Variants in RAD9A observed in about 807,000 individuals in gnomAD.
RAD9A encodes cell cycle checkpoint control protein RAD9A.
A neutral mutation model predicts 41.2 loss-of-function variants in RAD9A; 25 were observed. The observed-to-expected ratio is 0.61, with a 90% CI of 0.44 to 0.85. The LOEUF is 0.85. RAD9A is among the 40% of genes least tolerant of loss of function. RAD9A has a pLI of 0.00. For synonymous variants in RAD9A, 252 were observed against 210.6 expected, an observed-to-expected ratio of 1.20 and a Z score of -1.70; for missense variants, 514 against 518.3, an observed-to-expected ratio of 0.99 and a Z score of 0.08.
At chr11:67,392,874 G>C in intron 3 of RAD9A, 92 bp downstream of exon 3, 1 of 1,501,116 alleles carries the variant, frequency 6.7e-7, no homozygotes, top group Non-Finnish European at 9.2e-7. Context: ...GATGCTAAGT[G>C]GGGAGAGAGA....
At chr11:67,394,213 G>A (rs1862617826) in intron 5 of RAD9A, among the ~76,000 whole-genome samples, 1 of 152,254 alleles carries the variant, frequency 6.6e-6, no homozygotes, top group African/African-American at 2.4e-5. Context: ...CATCCTTCCA[G>A]AGGTGTTCCC....
rs748440792 is a variant in RAD9A at position 67,397,482 on chromosome 11, G to C, written c.1099G>C (p.Gly367Arg). ...PPKKFRSLFF[G>R]SILAPVRSPQ... ...TTTCCAGTTCCGCTCACTGTTCTTC[G>C]GCTCCATCCTGGCCCCTGTACGCTC... The change falls in exon 11 of 11, where the codon GGC (glycine) becomes CGC (arginine). Residue 367 changes from glycine to arginine, a missense_variant. Gly to Arg is a moderately radical substitution (Grantham distance 125, BLOSUM62 -2). Around this residue, in one of 3 missense-constraint regions of RAD9A, gnomAD observed 216 missense variants for 184.2 expected, o/e 1.17. Transcript: ENST00000307980. 1 of 1,611,952 alleles carries C rather than the reference G, an allele frequency of 6.2e-7. No individual in the cohort carries two copies. The highest frequency in any genetic ancestry group is 1.7e-5 in the Admixed American group (1 of 59,972).
chr11:67,397,128 C>T, intron 9 of RAD9A, 51 bp from the exon 10 acceptor site: 1 of 1,442,998 alleles, frequency 6.9e-7, no homozygotes, highest in Non-Finnish European at 9.7e-7. Context: ...AAGGTGGGGC[C>T]CTGCCTCTGC....
chr11:67,392,743 C>T lies in RAD9A; in HGVS notation c.195C>T (p.Thr65=), dbSNP rs1590927990. Residue 65 remains threonine, a synonymous_variant, in exon 3 of 11, where the codon ACC becomes ACT. Transcript: ENST00000307980. ...PLFFQQYQAA[T]PGQDLLRCKI... is the part of the protein sequence containing the mutation. ...TCTTCCAGCAATACCAGGCAGCCAC[C>T]CCTGGTCAGGACCTGCTGCGCTGTA... 1 of 1,614,018 alleles carries T rather than the reference C, an allele frequency of 6.2e-7. No individual in the cohort carries two copies. Among genetic ancestry groups the T allele is most frequent in the African/African-American group, 1.3e-5 (1 of 75,046 alleles).
rs1361955635 is a variant in RAD9A at position 67,397,735 on chromosome 11, CG to C, written c.*179del. The C allele has an allele frequency of 8.0e-6, 5 of 627,074 alleles. No homozygotes were observed. The highest frequency in any genetic ancestry group is 3.8e-5 in the African/African-American group (2 of 52,480). 38.8% of individuals were successfully genotyped at this position (627,074 alleles called of 1,614,324 possible). On this transcript the variant is annotated 3_prime_UTR_variant, in exon 11 of 11. Transcript: ENST00000307980. ...CACTGTAAAGCTGTCCCACAGCGGT[CG>C]GGCCTGGGCCGTTATCTCCCCACAA...
At position 67,397,549 on chromosome 11, in the gene RAD9A, GTGAAGGCTGAACCAAGAACC is replaced by G; in HGVS notation, c.1172_*15del. On this transcript the variant is annotated stop_lost and 3_prime_UTR_variant, in exon 11 of 11. Transcript: ENST00000307980. ...CCTGTGCTGGCGGAAGACAGTGAGG[GTGAAGGCTGAACCAAGAACC>G]TGAAGCCTGTACCCAGAGGCCTTGG... 1.9e-6 allele frequency: 3 copies of G among 1,605,716 alleles called. No homozygotes were observed. Among genetic ancestry groups the G allele is most frequent in the Non-Finnish European group, 2.6e-6 (3 of 1,173,996 alleles).
chr11:67,397,294 G>A lies in RAD9A; in HGVS notation c.988G>A (p.Gly330Ser). 6.2e-7 allele frequency: 1 copy of A among 1,601,998 alleles called. No individual in the cohort carries two copies. Among genetic ancestry groups the A allele is most frequent in the Non-Finnish European group, 8.5e-7 (1 of 1,171,404 alleles). Residue 330 changes from glycine to serine, a missense_variant, in exon 10 of 11, where the codon GGC becomes AGC. This residue lies in a region of RAD9A where 216 missense variants were observed against 184.2 expected (regional missense o/e 1.17). Transcript: ENST00000307980. The part of the protein sequence containing the change: ...RVLPSISLSP[G>S]PQPPKSPGPH... ...GCTGCCCTCCATTTCCCTTTCACCT[G>A]GCCCCCAGCCCCCCAAGAGCCCCGG...
chr11:67,397,660 T>C lies in RAD9A; in HGVS notation c.*101T>C, dbSNP rs1233475129. ...AGCCCTGGGGATCAGAAAGGTGGGC[T>C]TGCTGGAGCTGAGCTGTTTCACTGC... is the stretch of plus-strand genomic sequence containing the variant. On this transcript the variant is annotated 3_prime_UTR_variant, in exon 11 of 11. Transcript: ENST00000307980. 18 of 1,101,210 alleles carry C rather than the reference T, an allele frequency of 1.6e-5. No homozygotes were observed. In the East Asian group the frequency reaches 3.8e-4, roughly 23 times the overall value. 68.2% of individuals were successfully genotyped at this position (1,101,210 alleles called of 1,614,324 possible). A position where few individuals can be genotyped will look rare whatever the true frequency, so the allele number is the denominator to read the frequency against.
chr11:67,397,619 C>A lies in RAD9A; in HGVS notation c.*60C>A. ...GACTAGACGAAGCCCCAGCCAGTGG[C>A]AGAACTGGGTCTCTCAGCCCTGGGG... is the stretch of plus-strand genomic sequence containing the variant. On this transcript the variant is annotated 3_prime_UTR_variant, in exon 11 of 11. Transcript: ENST00000307980. 7.0e-7 allele frequency: 1 copy of A among 1,429,012 alleles called. No individual in the cohort carries two copies. Among genetic ancestry groups the A allele is most frequent in the Non-Finnish European group, 9.7e-7 (1 of 1,036,252 alleles). 88.5% of individuals were successfully genotyped at this position (1,429,012 alleles called of 1,614,324 possible). A position where few individuals can be genotyped will look rare whatever the true frequency, so the allele number is the denominator to read the frequency against.
chr11:67,394,893 G>A (rs577438641), intron 5 of RAD9A, among the ~76,000 whole-genome samples: 23 of 152,292 alleles, frequency 1.5e-4, no homozygotes, highest in Non-Finnish European at 1.5e-4. Flanking sequence ...TGGGATTACA[G>A]GCGTCAGCCA....
Position 67,397,828 on chromosome 11 carries a change from A to G in RAD9A, c.*269A>G, listed in dbSNP as rs756968340. On this transcript the variant is annotated 3_prime_UTR_variant, in exon 11 of 11. Transcript: ENST00000307980. ...CTGACGTTCCTACCTCTTATTTCTC[A>G]TTGAGCCTCAGGCTATACTCCAGCT... 2 of 451,090 alleles carry G rather than the reference A, an allele frequency of 4.4e-6. No homozygotes were observed. The highest frequency in any genetic ancestry group is 4.0e-5 in the Admixed American group (1 of 24,930). 27.9% of individuals were successfully genotyped at this position (451,090 alleles called of 1,614,324 possible).
At chr11:67,392,334 G>A in intron 2 of RAD9A, 103 bp downstream of exon 2, 3 of 1,094,570 alleles carry the variant, frequency 2.7e-6, no homozygotes, top group Non-Finnish European at 3.8e-6. Flanking sequence ...TGGCAGATTT[G>A]TCGGCAAAGT....
At chr11:67,393,437 G>A (rs1488439126) in intron 3 of RAD9A, 59 bp from the exon 4 acceptor site, 2 of 1,595,630 alleles carry the variant, frequency 1.3e-6, no homozygotes, top group East Asian at 4.5e-5. Flanking sequence ...GGCCTGCATG[G>A]GACAGGAGAG....
intron 5 of RAD9A, 47 bp from the exon 6 acceptor site, chr11:67,395,669 C>T (rs201296355): frequency 1.4e-6 from 2 of 1,468,246 alleles, no homozygotes; most frequent in East Asian, 2.5e-5. Flanking sequence ...AGAGCAAAGC[C>T]CTGGGCAGGG....
Position 67,392,681 on chromosome 11 carries a change from C to T in RAD9A, c.133C>T (p.Arg45Cys), listed in dbSNP as rs1340562837. ...GLSLRTVNSS[R>C]SAYACFLFAP... ...CTCCCTCCGGACGGTGAACTCCTCCCGCTCTGCCTATGCCTGCTTTCTCTT... is the reference window on the plus strand; with the variant it reads ...CTCCCTCCGGACGGTGAACTCCTCCTGCTCTGCCTATGCCTGCTTTCTCTT... Residue 45 changes from arginine to cysteine, a missense_variant, in exon 3 of 11, where the codon CGC (arginine) becomes TGC (cysteine). By Grantham distance (180) the Arg-to-Cys change is radical. Transcript: ENST00000307980. 4 of 1,613,984 alleles carry T rather than the reference C, an allele frequency of 2.5e-6. No homozygotes were observed. Among genetic ancestry groups the T allele is most frequent in the Middle Eastern group, 1.7e-4 (1 of 6,060 alleles).
chr11:67,395,768 C>A lies in RAD9A; in HGVS notation c.502C>A (p.Leu168Met), dbSNP rs755802467. ...CTCTCCTGCACTGGCTGAAGTGACG[C>A]TGGGCATTGGCCGTGGCCGCAGGGT... The part of the protein sequence containing the change: ...PFSPALAEVT[L>M]GIGRGRRVIL... The change falls in exon 6 of 11, where the codon CTG becomes ATG. Residue 168 changes from leucine to methionine, a missense_variant. By Grantham distance (15) the Leu-to-Met change is conservative. Around this residue, in one of 3 missense-constraint regions of RAD9A, gnomAD observed 268 missense variants for 279.3 expected, o/e 0.96. Coordinates refer to ENST00000307980, the MANE Select transcript of RAD9A (RefSeq NM_004584.3). The A allele has an allele frequency of 1.2e-6, 2 of 1,613,764 alleles. No individual in the cohort carries two copies. Among genetic ancestry groups the A allele is most frequent in the Admixed American group, 3.3e-5 (2 of 59,952 alleles).
chr11:67,393,806 C>T lies in RAD9A; in HGVS notation c.449+16C>T. The T allele has an allele frequency of 6.3e-7, 1 of 1,576,288 alleles. No homozygotes were observed. The highest frequency in any genetic ancestry group is 1.4e-5 in the African/African-American group (1 of 73,794). ...CCCCAGCACGGTGAGCACACCCCTG[C>T]CCTCAGCTCAGCCCCGGGTCTCTCT... is the stretch of plus-strand genomic sequence containing the variant. On this transcript the variant is annotated intron_variant, in intron 5 of 10. Coordinates refer to ENST00000307980, the MANE Select transcript of RAD9A (RefSeq NM_004584.3).
chr11:67,395,791 G>T lies in RAD9A; in HGVS notation c.525G>T (p.Arg175Ser). Residue 175 changes from arginine (R) to serine (S), a missense_variant, in exon 6 of 11, where the codon AGG becomes AGT. Transcript: ENST00000307980. ...EVTLGIGRGR[R>S]VILRSYHEEE... Reference sequence around the variant, plus strand: ...CGCTGGGCATTGGCCGTGGCCGCAGGGTCATCCTGCGCAGCTACCACGAGG... The same window carrying T: ...CGCTGGGCATTGGCCGTGGCCGCAGTGTCATCCTGCGCAGCTACCACGAGG... 1 of 1,613,898 alleles carries T rather than the reference G, an allele frequency of 6.2e-7. No individual in the cohort carries two copies. The highest frequency in any genetic ancestry group is 8.5e-7 in the Non-Finnish European group (1 of 1,180,014).
chr11:67,392,961 T>C, intron 3 of RAD9A, 179 bp downstream of exon 3: 1 of 960,400 alleles, frequency 1.0e-6, no homozygotes, highest in Non-Finnish European at 1.5e-6. Context: ...GAGAGGGTGG[T>C]GACGCTCAAG....
Sources: gnomAD v4.1 joint callset for allele counts (sites outside exome capture counted in the v4.1 genomes callset) on GRCh38, gnomAD v4.1.1 for gene constraint, gnomAD v4.1.1 regional missense constraint, MANE v1.5 for transcripts, NCBI Gene and HGNC (gene_info 2026-07-23, HGNC 2026-07-21) for gene names.